The following PXDNL variants were observed in gnomAD, a reference collection of about 807,000 sequenced individuals.
The protein encoded by PXDNL is probable oxidoreductase PXDNL.
In PXDNL, 145 loss-of-function variants were observed where a neutral mutation model predicts 150.8. The ratio of observed to expected loss-of-function variants is 0.96; its 90% confidence interval spans 0.84 to 1.10. The LOEUF is 1.10. Among genes scored for constraint, PXDNL ranks in the 50% least tolerant of loss-of-function variants. The probability of loss-of-function intolerance (pLI) is 0.00; values close to 1 mark genes in which losing one functional copy is unlikely to be tolerated. For missense variants in PXDNL, 2,087 were observed against 1,873.9 expected (o/e 1.11, Z -2.10); for synonymous variants, 757 against 725.7 (o/e 1.04, Z -0.69).
intron 4 of PXDNL, among the ~76,000 whole-genome samples, chr8:51,549,164 C>A (rs542282154): frequency 6.6e-6 from 1 of 151,980 alleles, no homozygotes; most frequent in Non-Finnish European, 1.5e-5. Flanking sequence ...AACACTGGAG[C>A]TCCAAAATTT....
At chr8:51,614,284 T>C (rs1223756936) in intron 2 of PXDNL, among the ~76,000 whole-genome samples, 1 of 152,198 alleles carries the variant, frequency 6.6e-6, no homozygotes, top group African/African-American at 2.4e-5. Flanking sequence ...TATTTCAAGT[T>C]TGGCCTAAAG....
At position 51,361,231 on chromosome 8, in the gene PXDNL, G is replaced by A. The variant is rs182698591; in HGVS notation, c.3901+10642C>T. 5.3e-5 allele frequency among the ~76,000 whole-genome samples: 8 copies of A among 152,276 alleles called. No individual in the cohort carries two copies. In the East Asian group the frequency reaches 9.7e-4, roughly 18 times the overall value. The stretch of plus-strand genomic sequence containing the variant: ...GAAACTGGACTGGATGCAGAATCAC[G>A]TTGGATCTGATATTAACTGGCTTGG... On this transcript the variant is annotated intron_variant, in intron 19 of 22. Transcript: ENST00000356297.
At chr8:51,378,847 G>A (rs947547144) in intron 17 of PXDNL, among the ~76,000 whole-genome samples, 6 of 151,860 alleles carry the variant, frequency 4.0e-5, no homozygotes, top group Non-Finnish European at 7.4e-5. Context: ...AAGAAACTCT[G>A]AACATGTTCG....
intron 1 of PXDNL, among the ~76,000 whole-genome samples, chr8:51,724,209 G>T (rs982451188): frequency 6.6e-6 from 1 of 152,076 alleles, no homozygotes; most frequent in Admixed American, 6.5e-5. Flanking sequence ...GGGAATCTCT[G>T]CAAGGTTGTT....
At chr8:51,572,247 C>T (rs1812961386) in intron 3 of PXDNL, among the ~76,000 whole-genome samples, 2 of 151,846 alleles carry the variant, frequency 1.3e-5, no homozygotes, top group Admixed American at 1.3e-4. Context: ...TTGAAAGCAG[C>T]TACTCAAACA....
At chr8:51,464,397 C>T (rs1810157017) in intron 8 of PXDNL, among the ~76,000 whole-genome samples, 2 of 3,670 alleles carry the variant, frequency 5.4e-4, no homozygotes, top group Admixed American at 3.3e-3. Flanking sequence ...AACTGAGACA[C>T]AAGATCCATA....
chr8:51,757,821 T>C (rs1166838176), intron 1 of PXDNL, among the ~76,000 whole-genome samples: 3 of 152,234 alleles, frequency 2.0e-5, no homozygotes, highest in African/African-American at 7.2e-5. Context: ...TTGGTTTTTT[T>C]CTGCTGCTTC....
chr8:51,807,007 C>G (rs1211324625), intron 1 of PXDNL, among the ~76,000 whole-genome samples: 1 of 152,142 alleles, frequency 6.6e-6, no homozygotes. Flanking sequence ...GTGAAAACTT[C>G]CATAGTGTTT....
chr8:51,509,765 C>T (rs1355862382), intron 4 of PXDNL, among the ~76,000 whole-genome samples: 2 of 124,678 alleles, frequency 1.6e-5, no homozygotes, highest in African/African-American at 6.5e-5. Context: ...CACACACACA[C>T]ACACACACAA....
intron 21 of PXDNL, among the ~76,000 whole-genome samples, chr8:51,328,454 C>T (rs1223460032): frequency 6.6e-6 from 1 of 152,186 alleles, no homozygotes; most frequent in East Asian, 1.9e-4. Flanking sequence ...TCTCAGTCCA[C>T]CAATTCTAAT....
Position 51,389,350 on chromosome 8 carries a change from G to A in PXDNL, c.3558-14619C>T, listed in dbSNP as rs879855959. On this transcript the variant is annotated intron_variant, in intron 17 of 22. Transcript: ENST00000356297. The stretch of plus-strand genomic sequence containing the variant: ...TCCTGTGTAACACAGGCTGGGATTC[G>A]AATTTCAAAAATTTTCCTGTTTCAT... Among the ~76,000 whole-genome samples the A allele has an allele frequency of 3.3e-5, 5 of 152,210 alleles. No homozygotes were observed. In the East Asian group the frequency reaches 5.8e-4, roughly 18 times the overall value.
chr8:51,774,462 T>C (rs921263560), intron 1 of PXDNL, among the ~76,000 whole-genome samples: 5 of 152,150 alleles, frequency 3.3e-5, no homozygotes, highest in African/African-American at 1.2e-4. Context: ...TTAGATTGAG[T>C]AGGTGTTTAA....
At chr8:51,379,503 C>G (rs1289787547) in intron 17 of PXDNL, among the ~76,000 whole-genome samples, 6 of 151,606 alleles carry the variant, frequency 4.0e-5, no homozygotes, top group Non-Finnish European at 5.9e-5. Flanking sequence ...TGTATTTATA[C>G]TTTTTACCCT....
chr8:51,773,246 C>A (rs2037318137), intron 1 of PXDNL, among the ~76,000 whole-genome samples: 1 of 152,190 alleles, frequency 6.6e-6, no homozygotes, highest in Non-Finnish European at 1.5e-5. Context: ...AGTTTTCTTA[C>A]CCTCCTGCCC....
intron 2 of PXDNL, among the ~76,000 whole-genome samples, chr8:51,644,318 T>TTATATATATAGATATA (rs1406776100): frequency 1.6e-5 from 1 of 63,270 alleles, no homozygotes; most frequent in Non-Finnish European, 4.2e-5. Context: ...AGGCACATTT[T>TTATATATATAGATATA]TACATATATA....
At chr8:51,496,234 T>G (rs1811044644) in intron 5 of PXDNL, among the ~76,000 whole-genome samples, 4 of 152,200 alleles carry the variant, frequency 2.6e-5, no homozygotes, top group Non-Finnish European at 5.9e-5. Context: ...TCAACAACCT[T>G]CATGCTAAAA....
rs759879112 is a variant in PXDNL, at chr8:51,408,918, G to A, written c.2706C>T (p.Ser902=). ...TGAGAGCCTGGGATTCCCGCTCCGA[G>A]CTCCCGTAAACGTTGGAGCCATCGA... is the stretch of plus-strand genomic sequence containing the variant. ...AYIDGSNVYG[S]SERESQALRD... The change falls in exon 17 of 23, where the codon AGC becomes AGT. Residue 902 remains serine, a synonymous_variant. Transcript: ENST00000356297. The A allele has an allele frequency of 2.0e-5, 33 of 1,611,070 alleles. No individual in the cohort carries two copies. The highest frequency in any genetic ancestry group is 2.3e-5 in the Non-Finnish European group (27 of 1,179,012).
intron 19 of PXDNL, among the ~76,000 whole-genome samples, chr8:51,365,697 G>A (rs1325080280): frequency 6.6e-6 from 1 of 152,226 alleles, no homozygotes; most frequent in African/African-American, 2.4e-5. Context: ...ATCGTAGCCT[G>A]TGAGTGATAT....
intron 12 of PXDNL, among the ~76,000 whole-genome samples, chr8:51,442,910 C>G (rs1809584278): frequency 6.6e-6 from 1 of 151,892 alleles, no homozygotes; most frequent in African/African-American, 2.4e-5. Flanking sequence ...TTCTAATTCT[C>G]TAAGCAATTT....
Sources: gnomAD v4.1 joint callset for allele counts (sites outside exome capture counted in the v4.1 genomes callset) on GRCh38, gnomAD v4.1.1 for gene constraint, MANE v1.5 for transcripts, NCBI Gene and HGNC (gene_info 2026-07-23, HGNC 2026-07-21) for gene names.